Variants in IARS2 observed in about 807,000 individuals in gnomAD.
IARS2 encodes the protein isoleucine--tRNA ligase, mitochondrial.
Under a neutral mutation model 126.3 loss-of-function variants are expected in IARS2, and 56 were observed. The ratio of observed to expected loss-of-function variants is 0.44; its 90% CI spans 0.36 to 0.55. The LOEUF (loss-of-function observed/expected upper bound fraction) is 0.55. Among genes scored for constraint, IARS2 ranks in the 20% least tolerant of loss-of-function variants. The pLI is 0.00. For synonymous variants in IARS2, 407 were observed against 441.1 expected, an observed-to-expected ratio of 0.92 and a Z score of 0.97; for missense variants, 1,127 against 1,245.9, an observed-to-expected ratio of 0.90 and a Z score of 1.44.
chr1:220,096,753 T>G (rs569299473), intron 2 of IARS2, among the ~76,000 whole-genome samples: 125 of 152,228 alleles, frequency 8.2e-4, no homozygotes, highest in Admixed American at 1.6e-3. Flanking sequence ...GGGTCAATAG[T>G]GCTATTAAAG....
intron 14 of IARS2, among the ~76,000 whole-genome samples, chr1:220,127,392 G>C (rs916075630): frequency 9.2e-5 from 14 of 152,194 alleles, no homozygotes; most frequent in African/African-American, 2.9e-4. Flanking sequence ...GAATGTTTTT[G>C]ACTGATTGGA....
chr1:220,145,254 A>G (rs1375556300), intron 21 of IARS2, among the ~76,000 whole-genome samples: 1 of 152,162 alleles, frequency 6.6e-6, no homozygotes, highest in African/African-American at 2.4e-5. Context: ...GTATGTGACA[A>G]TTAGAAGTAA....
chr1:220,096,056 A>G (rs763299141), intron 1 of IARS2, 48 bp from the exon 2 acceptor site: 11 of 1,069,390 alleles, frequency 1.0e-5, no homozygotes, highest in South Asian at 1.5e-5. Flanking sequence ...TAGACTCAGG[A>G]GTATGTATTT....
rs1337981561 is a variant in IARS2 at position 220,147,672 on chromosome 1, G to A, written c.*37G>A. 6.2e-7 allele frequency: 1 copy of A among 1,605,078 alleles called. No homozygotes were observed. Among genetic ancestry groups the A allele is most frequent in the African/African-American group, 1.3e-5 (1 of 74,654 alleles). On this transcript the variant is annotated 3_prime_UTR_variant, in exon 23 of 23. Coordinates refer to ENST00000366922, the MANE Select transcript of IARS2 (RefSeq NM_018060.4). ...CACTCGAGCAAGAACCCTCCTGACA[G>A]TACTGGCTAGAAGTTTGGATGGATT... is the stretch of plus-strand genomic sequence containing the variant.
rs780271702 is a variant in IARS2 at position 220,097,152 on chromosome 1, AAGAG to A, written c.390+932_390+935del. Among the ~76,000 whole-genome samples the A allele has an allele frequency of 1.2e-4, 18 of 152,208 alleles. No homozygotes were observed. The East Asian group carries it at 2.9e-3, about 24-fold the overall frequency. On this transcript the variant is annotated intron_variant, in intron 2 of 22. Coordinates refer to ENST00000366922, the MANE Select transcript of IARS2 (RefSeq NM_018060.4). Reference sequence around the variant, plus strand: ...GAGCCAACATTAACTGGATTAAGCAAAGAGAGAGAATTTACTGGCTTTTTTACTG... The same window carrying A: ...GAGCCAACATTAACTGGATTAAGCAAAGAGAATTTACTGGCTTTTTTACTG...
chr1:220,139,897 A>G (rs1446294892), intron 18 of IARS2, among the ~76,000 whole-genome samples: 2 of 152,226 alleles, frequency 1.3e-5, no homozygotes, highest in East Asian at 3.8e-4. Context: ...GGTGACGTCC[A>G]CTGTTTGCTG....
chr1:220,096,179 C>T lies in IARS2; in HGVS notation c.343C>T (p.Pro115Ser). The T allele has an allele frequency of 6.3e-7, 1 of 1,599,312 alleles. No individual in the cohort carries two copies. Among genetic ancestry groups the T allele is most frequent in the South Asian group, 1.1e-5 (1 of 88,940 alleles). The change falls in exon 2 of 23, where the codon CCT becomes TCT. Residue 115 changes from proline to serine, a missense_variant. Physicochemically the swap from Pro to Ser is moderately conservative, Grantham distance 74 (BLOSUM62 -1). Coordinates refer to ENST00000366922, the MANE Select transcript of IARS2 (RefSeq NM_018060.4). ...GACAGAATTTTGCCTTCATGATGGA[C>T]CTCCTTATGCAAACGGTGACCCTCA... ...VKTEFCLHDG[P>S]PYANGDPHVG...
intron 12 of IARS2, among the ~76,000 whole-genome samples, chr1:220,121,670 C>T (rs1380795316): frequency 1.3e-5 from 2 of 152,134 alleles, no homozygotes; most frequent in African/African-American, 4.8e-5. Flanking sequence ...GTCTTGAACT[C>T]TTGGGCTCAA....
intron 22 of IARS2, among the ~76,000 whole-genome samples, chr1:220,146,054 C>G (rs2102844146): frequency 6.6e-6 from 1 of 152,144 alleles, no homozygotes; most frequent in East Asian, 1.9e-4. Flanking sequence ...TTATGTATAC[C>G]CCGGATTAAA....
intron 22 of IARS2, among the ~76,000 whole-genome samples, 175 bp from the exon 23 acceptor site, chr1:220,147,318 G>A (rs1367478405): frequency 6.6e-6 from 1 of 152,142 alleles, no homozygotes; most frequent in Non-Finnish European, 1.5e-5. Context: ...CAGGTGTTGA[G>A]TTGTATGATC....
intron 19 of IARS2, among the ~76,000 whole-genome samples, chr1:220,141,314 CT>C (rs1657489797): frequency 6.6e-6 from 1 of 152,082 alleles, no homozygotes; most frequent in Non-Finnish European, 1.5e-5. Flanking sequence ...TAGCAGTATC[CT>C]TGTAGAAGAG....
chr1:220,112,296 G>A lies in IARS2; in HGVS notation c.1479+1359G>A, dbSNP rs1234593612. ...ACTACAGGCGCCCGCCACCGCGCCCGGCTAATTTTTTGTATTTTTAGTAGA... is the reference window on the plus strand; with the variant it reads ...ACTACAGGCGCCCGCCACCGCGCCCAGCTAATTTTTTGTATTTTTAGTAGA... On this transcript the variant is annotated intron_variant, in intron 11 of 22. Coordinates refer to ENST00000366922, the MANE Select transcript of IARS2 (RefSeq NM_018060.4). 1.7e-5 allele frequency among the ~76,000 whole-genome samples: 2 copies of A among 114,632 alleles called. 1 individual carries two copies. Among genetic ancestry groups the A allele is most frequent in the Non-Finnish European group, 3.6e-5 (2 of 55,134 alleles). The allele number at this position is 114,632 out of a possible 152,430, so 75.2% of individuals were successfully genotyped here.
intron 14 of IARS2, among the ~76,000 whole-genome samples, chr1:220,127,586 C>T (rs943779974): frequency 1.1e-4 from 16 of 152,250 alleles, no homozygotes; most frequent in African/African-American, 3.6e-4. Flanking sequence ...TGAGATGTCA[C>T]GGAGGCAGTG....
chr1:220,122,977 C>CT (rs1220096814), intron 12 of IARS2, among the ~76,000 whole-genome samples: 1 of 147,802 alleles, frequency 6.8e-6, no homozygotes, highest in Non-Finnish European at 1.5e-5. Context: ...TAGAATTATT[C>CT]TTTTTTAATG....
At chr1:220,099,716 AAGG>A (rs1656532497) in intron 2 of IARS2, among the ~76,000 whole-genome samples, 1 of 152,208 alleles carries the variant, frequency 6.6e-6, no homozygotes, top group Non-Finnish European at 1.5e-5. Context: ...GTTAAGTAGA[AAGG>A]AGGTTATTTA....
At chr1:220,112,176 G>A (rs868730493) in intron 11 of IARS2, among the ~76,000 whole-genome samples, 1 of 55,594 alleles carries the variant, frequency 1.8e-5, no homozygotes, top group African/African-American at 8.5e-5. Context: ...CGCCCAGGTC[G>A]GACTGCGGAC....
At chr1:220,099,915 C>G (rs776250142) in intron 2 of IARS2, among the ~76,000 whole-genome samples, 11 of 151,992 alleles carry the variant, frequency 7.2e-5, no homozygotes, top group Non-Finnish European at 1.2e-4. Context: ...ATAATAATAT[C>G]TTTTCTACTT....
In IARS2 at chr1:220,105,684, C is replaced by A. The variant is rs141451740; in HGVS notation, c.1067-207C>A. ...ACTACATTAACTCTGTTTATTCTCA[C>A]AGAAACCCTCTGAGGTGGGAACCAT... On this transcript the variant is annotated intron_variant, in intron 8 of 22. Coordinates refer to ENST00000366922, the MANE Select transcript of IARS2 (RefSeq NM_018060.4). Among the ~76,000 whole-genome samples the A allele has an allele frequency of 3.5e-3, 540 of 152,208 alleles. 5 individuals are homozygous for A. Among genetic ancestry groups the A allele is most frequent in the African/African-American group, 0.012 (500 of 41,514 alleles).
chr1:220,141,920 G>T lies in IARS2; in HGVS notation c.2532G>T (p.Glu844Asp), dbSNP rs1356344157. 2.5e-6 allele frequency: 4 copies of T among 1,614,086 alleles called. No homozygotes were observed. The highest frequency in any genetic ancestry group is 3.3e-5 in the Admixed American group (2 of 60,026). The change falls in exon 20 of 23, where the codon GAG becomes GAT. Residue 844 changes from glutamate (E) to aspartate (D), a missense_variant. Coordinates refer to ENST00000366922, the MANE Select transcript of IARS2 (RefSeq NM_018060.4). ...FAPILPHLAE[E>D]VFQHIPYIKE... is the part of the protein sequence containing the mutation. The stretch of plus-strand genomic sequence containing the variant: ...CCATTCTTCCTCACCTGGCTGAAGA[G>T]GTGTTCCAGCACATACCTTATATTA...
Sources: allele counts gnomAD v4.1 joint callset (sites outside exome capture counted in the v4.1 genomes callset), GRCh38; gene constraint gnomAD v4.1.1; transcripts MANE v1.5; gene names NCBI Gene and HGNC (gene_info 2026-07-23, HGNC 2026-07-21).